AGBL4: variants seen among roughly 807,000 people sequenced by gnomAD.
The protein encoded by AGBL4 is cytosolic carboxypeptidase 6.
Under a neutral mutation model 66.4 loss-of-function variants are expected in AGBL4, and 58 were observed. The ratio of observed to expected loss-of-function variants is 0.87; its 90% CI spans 0.71 to 1.09. The LOEUF is 1.09. AGBL4 is among the 50% of genes least tolerant of loss of function. The pLI is 0.00. For synonymous variants in AGBL4, 234 were observed against 222.9 expected (o/e 1.05, Z -0.44); for missense variants, 579 against 631.0 (o/e 0.92, Z 0.88).
chr1:48,651,559 G>A (rs578053637), intron 8 of AGBL4, among the ~76,000 whole-genome samples: 2 of 152,320 alleles, frequency 1.3e-5, no homozygotes, highest in South Asian at 4.1e-4. Flanking sequence ...CATGGAAGGT[G>A]GAAAAGCATC....
intron 3 of AGBL4, among the ~76,000 whole-genome samples, chr1:49,671,610 T>A (rs894229167): frequency 6.6e-6 from 1 of 152,016 alleles, no homozygotes; most frequent in African/African-American, 2.4e-5. Context: ...AAATCCAGCA[T>A]CTAAAAAGAA....
intron 1 of AGBL4, among the ~76,000 whole-genome samples, chr1:49,864,830 C>T (rs558400145): frequency 3.9e-5 from 6 of 152,158 alleles, no homozygotes; most frequent in East Asian, 3.9e-4. Flanking sequence ...GTCATCACTG[C>T]GGCTGCCTGC....
At chr1:48,682,412 T>C (rs570090486) in intron 6 of AGBL4, among the ~76,000 whole-genome samples, 4 of 136,914 alleles carry the variant, frequency 2.9e-5, no homozygotes, top group East Asian at 2.0e-4. Context: ...GCACATCTCT[T>C]TTTTTTTTTT....
intron 6 of AGBL4, among the ~76,000 whole-genome samples, chr1:48,677,906 T>C (rs1646392362): frequency 6.6e-6 from 1 of 152,122 alleles, no homozygotes; most frequent in South Asian, 2.1e-4. Context: ...GGGGCAAAGC[T>C]CATTGTTAGA....
intron 5 of AGBL4, among the ~76,000 whole-genome samples, chr1:49,005,600 G>T (rs1374547650): frequency 6.6e-6 from 1 of 152,120 alleles, no homozygotes; most frequent in Non-Finnish European, 1.5e-5. Context: ...TTTACTGTTA[G>T]ATATTGTTGT....
chr1:49,951,680 T>C (rs1285653752), intron 1 of AGBL4, among the ~76,000 whole-genome samples: 1 of 151,980 alleles, frequency 6.6e-6, no homozygotes. Flanking sequence ...CCCAAATAAA[T>C]ATCAATTTCT....
At chr1:49,575,390 G>T (rs908876351) in intron 3 of AGBL4, among the ~76,000 whole-genome samples, 1 of 152,164 alleles carries the variant, frequency 6.6e-6, no homozygotes, top group African/African-American at 2.4e-5. Flanking sequence ...TCCCTGACTG[G>T]TAGGGTAAGG....
At chr1:49,004,634 G>T (rs1275701330) in intron 5 of AGBL4, among the ~76,000 whole-genome samples, 1 of 152,136 alleles carries the variant, frequency 6.6e-6, no homozygotes, top group African/African-American at 2.4e-5. Flanking sequence ...GGGGAACAAA[G>T]ATAATACTAG....
chr1:49,209,508 G>C (rs1024227166), intron 4 of AGBL4, among the ~76,000 whole-genome samples: 2 of 151,980 alleles, frequency 1.3e-5, no homozygotes, highest in Admixed American at 6.6e-5. Context: ...TTTAATAGTG[G>C]GTGCATTAAT....
Position 49,676,647 on chromosome 1 carries a change from T to C in AGBL4, c.282+20666A>G, listed in dbSNP as rs527891560. Among the ~76,000 whole-genome samples the C allele has an allele frequency of 7.2e-5, 11 of 152,230 alleles. No homozygotes were observed. The South Asian group carries it at 2.3e-3, about 32-fold the overall frequency. On this transcript the variant is annotated intron_variant, in intron 3 of 13. Transcript: ENST00000371839. ...AGAATTCACAAACATTTTGAAAACA[T>C]TTATCAGATAAATACATTATTATGT...
At chr1:49,055,468 A>T (rs1264305834) in intron 4 of AGBL4, among the ~76,000 whole-genome samples, 1 of 152,036 alleles carries the variant, frequency 6.6e-6, no homozygotes, top group Non-Finnish European at 1.5e-5. Flanking sequence ...TGCCTTTTTA[A>T]TTTAAGTATA....
chr1:49,884,342 T>A (rs1647776537), intron 1 of AGBL4, among the ~76,000 whole-genome samples: 1 of 151,928 alleles, frequency 6.6e-6, no homozygotes, highest in South Asian at 2.1e-4. Context: ...AACATAGTAT[T>A]CACTCAGTAA....
At chr1:49,617,593 C>A (rs1290625946) in intron 3 of AGBL4, among the ~76,000 whole-genome samples, 2 of 152,198 alleles carry the variant, frequency 1.3e-5, no homozygotes, top group Admixed American at 6.5e-5. Context: ...ACTTCCATAT[C>A]TACATGTATA....
At chr1:48,535,593 GC>G (rs1643956666) in intron 12 of AGBL4, among the ~76,000 whole-genome samples, 1 of 152,044 alleles carries the variant, frequency 6.6e-6, no homozygotes, top group Non-Finnish European at 1.5e-5. Flanking sequence ...AAACGTTCTG[GC>G]CTTGTCACTG....
intron 1 of AGBL4, among the ~76,000 whole-genome samples, chr1:49,911,373 G>A (rs985724488): frequency 3.3e-5 from 5 of 152,216 alleles, no homozygotes; most frequent in African/African-American, 1.2e-4. Context: ...CCTACAGATG[G>A]TGGAATAAAC....
At chr1:48,558,393 C>T (rs764152573) in intron 11 of AGBL4, among the ~76,000 whole-genome samples, 23 of 152,238 alleles carry the variant, frequency 1.5e-4, no homozygotes, top group Non-Finnish European at 1.3e-4. Context: ...CTCTCACACA[C>T]ATCATTTTCC....
chr1:48,644,155 G>T (rs1364504349), intron 8 of AGBL4, among the ~76,000 whole-genome samples: 1 of 152,092 alleles, frequency 6.6e-6, no homozygotes, highest in Non-Finnish European at 1.5e-5. Flanking sequence ...TTAGAATAGT[G>T]TCTGACAGCT....
At chr1:49,896,731 T>C (rs1466310422) in intron 1 of AGBL4, among the ~76,000 whole-genome samples, 2 of 148,308 alleles carry the variant, frequency 1.3e-5, no homozygotes, top group Non-Finnish European at 3.0e-5. Flanking sequence ...CCAAACTCAA[T>C]AACACATTAA....
chr1:49,026,120 GA>G (rs1663664358), intron 5 of AGBL4, among the ~76,000 whole-genome samples: 1 of 152,024 alleles, frequency 6.6e-6, no homozygotes, highest in Non-Finnish European at 1.5e-5. Flanking sequence ...GAGATTCTTG[GA>G]AAAACTCAGG....
Sources: gnomAD v4.1 joint callset for allele counts (sites outside exome capture counted in the v4.1 genomes callset) on GRCh38, gnomAD v4.1.1 for gene constraint, MANE v1.5 for transcripts, NCBI Gene and HGNC (gene_info 2026-07-23, HGNC 2026-07-21) for gene names.